Variants in PLEC observed in about 807,000 individuals in gnomAD.
The protein encoded by PLEC is plectin.
PLEC carries 216 observed loss-of-function variants against 392.8 expected under a neutral mutation model. The ratio of observed to expected loss-of-function variants is 0.55; its 90% confidence interval spans 0.49 to 0.62. The LOEUF (loss-of-function observed/expected upper bound fraction) is 0.62. PLEC is among the 20% of genes least tolerant of loss of function. The pLI is 0.00. For synonymous variants in PLEC, 3,621 were observed against 2,980.6 expected (o/e 1.21, Z -7.00); for missense variants, 6,863 against 6,563.4 (o/e 1.05, Z -1.58).
In PLEC at chr8:143,921,708, C is replaced by T. The variant is rs199512254; in HGVS notation, c.8113G>A (p.Ala2705Thr). ...RSSIAGLLLK[A>T]TNEKLSVYAA... The stretch of plus-strand genomic sequence containing the variant: ...TAAACACTCAGCTTCTCATTGGTGG[C>T]CTTCAGCAACAGCCCTGCGATACTG... Residue 2705 changes from alanine (A) to threonine (T), a missense_variant, in exon 32 of 32, where the codon GCC becomes ACC. By Grantham distance (58) the Ala-to-Thr change is moderately conservative (BLOSUM62 0). Coordinates refer to ENST00000345136, the MANE Select transcript of PLEC (RefSeq NM_201384.3). The T allele has an allele frequency of 1.4e-5, 23 of 1,612,888 alleles. No individual in the cohort carries two copies. Among genetic ancestry groups the T allele is most frequent in the Non-Finnish European group, 1.7e-5 (20 of 1,179,920 alleles).
intron 1 of PLEC, among the ~76,000 whole-genome samples, chr8:143,947,892 G>A (rs895007069): frequency 2.0e-5 from 3 of 152,156 alleles, no homozygotes; most frequent in Non-Finnish European, 2.9e-5. Flanking sequence ...CTGGCCTTCC[G>A]GCCTCCCTCT....
At chr8:143,937,314 G>A in intron 3 of PLEC, 72 bp from the exon 4 acceptor site, 1 of 1,162,378 alleles carries the variant, frequency 8.6e-7, no homozygotes. Context: ...ATGCCCCAAA[G>A]CGCCGCAGCA....
Position 143,916,378 on chromosome 8 carries a change from G to T in PLEC, c.13443C>A (p.Ser4481Arg). ...TKGYYSPYSVSGSGSTAGSRT... is the reference protein window; with the variant it reads ...TKGYYSPYSVRGSGSTAGSRT... ...GGGAGCCAGCGGTAGAGCCGGAGCCGCTGACGCTGTAGGGGCTGTAGTAGC... is the reference window on the plus strand; with the variant it reads ...GGGAGCCAGCGGTAGAGCCGGAGCCTCTGACGCTGTAGGGGCTGTAGTAGC... The change falls in exon 32 of 32, where the codon AGC (serine) becomes AGA (arginine). Residue 4481 changes from serine (S) to arginine (R), a missense_variant. Ser to Arg is a moderately radical substitution (Grantham distance 110). Transcript: ENST00000345136. The T allele has an allele frequency of 6.2e-7, 1 of 1,610,322 alleles. No homozygotes were observed. Among genetic ancestry groups the T allele is most frequent in the Non-Finnish European group, 8.5e-7 (1 of 1,178,958 alleles).
At chr8:143,959,145 T>A (rs2132848219) in intron 1 of PLEC, among the ~76,000 whole-genome samples, 1 of 152,202 alleles carries the variant, frequency 6.6e-6, no homozygotes, top group South Asian at 2.1e-4. Flanking sequence ...ATGCGGACGG[T>A]GCAGGCGCAG....
chr8:143,921,627 C>T lies in PLEC; in HGVS notation c.8194G>A (p.Ala2732Thr). 6.2e-7 allele frequency: 1 copy of T among 1,613,064 alleles called. No individual in the cohort carries two copies. Among genetic ancestry groups the T allele is most frequent in the African/African-American group, 1.3e-5 (1 of 75,066 alleles). ...AGCAGGAAGCCTGAGGCCGCCTGCG[C>T]CTCCAGCAGGATGAGGGCCGTGCCG... ...SPGTALILLE[A>T]QAASGFLLDP... Residue 2732 changes from alanine to threonine, a missense_variant, in exon 32 of 32, where the codon GCG becomes ACG. Ala to Thr is a moderately conservative substitution (Grantham distance 58). Transcript: ENST00000345136.
At chr8:143,964,296 G>C (rs1262275297) in intron 1 of PLEC, among the ~76,000 whole-genome samples, 1 of 152,116 alleles carries the variant, frequency 6.6e-6, no homozygotes, top group Non-Finnish European at 1.5e-5. Context: ...ACCCATAATT[G>C]GTATCTTATT....
exon 1 of PLEC, chr8:143,950,431 G>T (rs781819940): frequency 6.2e-7 from 1 of 1,601,146 alleles, no homozygotes. Flanking sequence ...AGGCGGGCAC[G>T]ATCTCTGGCG....
At chr8:143,950,836 G>GGGCA in exon 1 of PLEC, 2 of 1,482,214 alleles carry the variant, frequency 1.3e-6, no homozygotes, top group Middle Eastern at 2.4e-4. Context: ...GCAGGCGGGC[G>GGGCA]GGCAGGCAGG....
At chr8:143,963,955 G>A (rs1274658258) in intron 1 of PLEC, among the ~76,000 whole-genome samples, 1 of 151,644 alleles carries the variant, frequency 6.6e-6, no homozygotes, top group Non-Finnish European at 1.5e-5. Flanking sequence ...TGGGATTATT[G>A]GTGTGTACTA....
intron 3 of PLEC, 39 bp downstream of exon 3, chr8:143,938,112 G>T: frequency 6.8e-7 from 1 of 1,465,648 alleles, no homozygotes; most frequent in Non-Finnish European, 9.4e-7. Flanking sequence ...GTCTCCAGGT[G>T]GGGCAGGCGG....
At chr8:143,944,863 G>A (rs370504129) in intron 1 of PLEC, 20 of 511,924 alleles carry the variant, frequency 3.9e-5, no homozygotes, top group African/African-American at 1.4e-4. Flanking sequence ...CGAGGAGGGC[G>A]CGCAAGGACC....
chr8:143,952,220 A>ACACACACG (rs782520190), upstream of PLEC, among the ~76,000 whole-genome samples: 30 of 139,782 alleles, frequency 2.1e-4, no homozygotes, highest in African/African-American at 2.7e-4. Context: ...GCGCGCACAC[A>ACACACACG]CGCACGCGCA....
chr8:143,933,069 C>G lies in PLEC; in HGVS notation c.1461G>C (p.Glu487Asp). ...CGCCTGCCTTCAGCCGTAGGTTGTACTCGGTGCGGATGGCTACCAGGCGCT... is the reference window on the plus strand; with the variant it reads ...CGCCTGCCTTCAGCCGTAGGTTGTAGTCGGTGCGGATGGCTACCAGGCGCT... Reference protein sequence around the residue: ...LHERLVAIRTEYNLRLKAGVA... With the variant: ...LHERLVAIRTDYNLRLKAGVA... The change falls in exon 14 of 32, where the codon GAG (glutamate) becomes GAC (aspartate). Residue 487 changes from glutamate to aspartate, a missense_variant. Transcript: ENST00000345136. The G allele has an allele frequency of 6.3e-7, 1 of 1,590,668 alleles. No individual in the cohort carries two copies. The highest frequency in any genetic ancestry group is 8.5e-7 in the Non-Finnish European group (1 of 1,170,366).
chr8:143,941,614 C>T (rs1294783272), upstream of PLEC, among the ~76,000 whole-genome samples: 4 of 152,108 alleles, frequency 2.6e-5, no homozygotes. Context: ...CTACTTCCTG[C>T]CTCTGGGTGC....
upstream of PLEC, among the ~76,000 whole-genome samples, chr8:143,957,560 A>G (rs1832658609): frequency 6.6e-6 from 1 of 152,148 alleles, no homozygotes; most frequent in African/African-American, 2.4e-5. Flanking sequence ...CCCAGAACCA[A>G]GGTTGAGCCC....
intron 1 of PLEC, among the ~76,000 whole-genome samples, chr8:143,972,413 G>A (rs1833474951): frequency 6.6e-6 from 1 of 152,248 alleles, no homozygotes. Context: ...CTGCCCCAGA[G>A]CCGTCGCTGG....
At position 143,917,941 on chromosome 8, in the gene PLEC, G is replaced by C; in HGVS notation, c.11880C>G (p.Pro3960=). 6.2e-7 allele frequency: 1 copy of C among 1,612,906 alleles called. No individual in the cohort carries two copies. Among genetic ancestry groups the C allele is most frequent in the South Asian group, 1.1e-5 (1 of 91,070 alleles). The part of the protein sequence containing the change: ...YQAMKKGIIR[P]GTAFELLEAQ... ...CCTCCAGGAGCTCAAAGGCTGTGCC[G>C]GGGCGGATGATGCCCTTCTTCATGG... Residue 3960 remains proline, a synonymous_variant, in exon 32 of 32, where the codon CCC becomes CCG. Transcript: ENST00000345136.
rs371776565 is a variant in PLEC at position 143,926,800 on chromosome 8, C to A, written c.4028G>T (p.Arg1343Leu). The change falls in exon 30 of 32, where the codon CGC becomes CTC. Residue 1343 changes from arginine (R) to leucine (L), a missense_variant. Coordinates refer to ENST00000345136, the MANE Select transcript of PLEC (RefSeq NM_201384.3). ...GGGCTGTACCTCCTCCTCCTCCATG[C>A]GCCGCAGAGTCTCGCTGATGAACTT... ...YIKFISETLR[R>L]MEEEERLAEQ... 1 of 1,613,556 alleles carries A rather than the reference C, an allele frequency of 6.2e-7. No individual in the cohort carries two copies.
rs782169790 is a variant in PLEC at position 143,925,557 on chromosome 8, G to A, written c.4372C>T (p.Arg1458Cys). 4.4e-6 allele frequency: 7 copies of A among 1,589,292 alleles called. No homozygotes were observed. Among genetic ancestry groups the A allele is most frequent in the Middle Eastern group, 1.7e-4 (1 of 6,004 alleles). ...CGCTCGGTGGCCTCCAACTGCAGGC[G>A]CACCACGCGGATCTCCTCCTCGATG... The part of the protein sequence containing the change: ...LRIEEEIRVV[R>C]LQLEATERQR... The change falls in exon 31 of 32, where the codon CGC (arginine) becomes TGC (cysteine). Residue 1458 changes from arginine (R) to cysteine (C), a missense_variant. By Grantham distance (180) the Arg-to-Cys change is radical. Transcript: ENST00000345136.
Sources: allele counts gnomAD v4.1 joint callset (sites outside exome capture counted in the v4.1 genomes callset), GRCh38; gene constraint gnomAD v4.1.1; transcripts MANE v1.5; gene names NCBI Gene and HGNC (gene_info 2026-07-23, HGNC 2026-07-21).